The following SORBS2 variants were observed in gnomAD, a reference collection of about 807,000 sequenced individuals.
SORBS2 encodes sorbin and SH3 domain-containing protein 2.
A neutral mutation model predicts 97.7 loss-of-function variants in SORBS2; 46 were observed. That is an observed-to-expected ratio of 0.47 (90% CI 0.37 to 0.60). The LOEUF (loss-of-function observed/expected upper bound fraction) is 0.60, where lower values mean the gene tolerates loss of function less well. SORBS2 is among the 20% of genes least tolerant of loss of function. The pLI is 0.00. For synonymous variants in SORBS2, 476 were observed against 473.4 expected, an observed-to-expected ratio of 1.01 and a Z score of -0.07; for missense variants, 1,316 against 1,282.3, an observed-to-expected ratio of 1.03 and a Z score of -0.40.
intron 2 of SORBS2, among the ~76,000 whole-genome samples, chr4:185,704,570 C>T (rs1336240266): frequency 1.3e-5 from 2 of 152,112 alleles, no homozygotes; most frequent in East Asian, 1.9e-4. Context: ...CCACCCCCCT[C>T]GGCCTCCCAA....
At chr4:185,867,251 C>T (rs1456862417) in intron 1 of SORBS2, among the ~76,000 whole-genome samples, 1 of 152,158 alleles carries the variant, frequency 6.6e-6, no homozygotes, top group East Asian at 1.9e-4. Flanking sequence ...GCCTCGTGAT[C>T]CGCCCGCCTC....
At chr4:185,827,785 ATCG>A (rs1398642143) in intron 1 of SORBS2, among the ~76,000 whole-genome samples, 1 of 127,882 alleles carries the variant, frequency 7.8e-6, no homozygotes, top group Non-Finnish European at 1.7e-5. Context: ...CACCATCATC[ATCG>A]TCACCATCAT....
At chr4:185,827,333 T>C (rs200036126) in intron 1 of SORBS2, among the ~76,000 whole-genome samples, 95 of 486 alleles carry the variant, frequency 0.2, no homozygotes, top group African/African-American at 0.25. Context: ...ATCATCATCA[T>C]CATCATCATC....
intron 1 of SORBS2, among the ~76,000 whole-genome samples, chr4:185,828,740 C>G (rs1033880632): frequency 2.0e-5 from 3 of 152,114 alleles, no homozygotes; most frequent in Non-Finnish European, 2.9e-5. Context: ...ACATCAATTG[C>G]CCCTCTACTG....
chr4:185,953,625 G>A (rs1251660192), intron 1 of SORBS2, among the ~76,000 whole-genome samples: 1 of 152,242 alleles, frequency 6.6e-6, no homozygotes, highest in Non-Finnish European at 1.5e-5. Flanking sequence ...AGAGACTGGC[G>A]AGGGTGAGGA....
intron 1 of SORBS2, among the ~76,000 whole-genome samples, chr4:185,828,344 G>T (rs1414294241): frequency 6.6e-6 from 1 of 152,104 alleles, no homozygotes; most frequent in African/African-American, 2.4e-5. Flanking sequence ...ACCAGAGGAG[G>T]CCATTCTTGG....
At chr4:185,705,460 C>A (rs551004002) in intron 2 of SORBS2, among the ~76,000 whole-genome samples, 5 of 151,980 alleles carry the variant, frequency 3.3e-5, no homozygotes. Flanking sequence ...GCAGGAGAAT[C>A]GCTTGAACCG....
chr4:185,628,490 C>T (rs62334754), intron 5 of SORBS2, among the ~76,000 whole-genome samples: 41 of 152,106 alleles, frequency 2.7e-4, no homozygotes, highest in Middle Eastern at 6.8e-3. Flanking sequence ...TGATGGCTCA[C>T]GTCTGTAATC....
chr4:185,613,945 T>C (rs1477043215), intron 11 of SORBS2, among the ~76,000 whole-genome samples: 2 of 152,108 alleles, frequency 1.3e-5, no homozygotes, highest in African/African-American at 4.8e-5. Context: ...AGGACTGTGG[T>C]ATTGCTCTTC....
chr4:185,775,019 G>A (rs1033180350), intron 2 of SORBS2: 2 of 151,976 alleles, frequency 1.3e-5, no homozygotes, highest in Non-Finnish European at 2.9e-5. Context: ...GTGTACTGCA[G>A]GTCACTATTA....
Position 185,928,835 on chromosome 4 carries a change from C to T in SORBS2, c.-338+27361G>A, listed in dbSNP as rs573359840. Among the ~76,000 whole-genome samples the T allele has an allele frequency of 1.1e-4, 16 of 152,286 alleles. No homozygotes were observed. In the South Asian group the frequency reaches 1.7e-3, roughly 16 times the overall value. ...TGCTGGGATTCCAGGCGTGAGCCAC[C>T]GCGCCTGGCCAAGAAGGTTCTTCTT... On this transcript the variant is annotated intron_variant, in intron 1 of 20. Transcript: ENST00000284776.
chr4:185,610,185 T>C (rs1405638665), intron 12 of SORBS2, among the ~76,000 whole-genome samples: 1 of 152,208 alleles, frequency 6.6e-6, no homozygotes, highest in African/African-American at 2.4e-5. Context: ...ATTTGTTAGA[T>C]GTTTAATGAG....
At chr4:185,827,229 C>T (rs1585257932) in intron 1 of SORBS2, among the ~76,000 whole-genome samples, 1 of 142,206 alleles carries the variant, frequency 7.0e-6, no homozygotes, top group Non-Finnish European at 1.5e-5. Context: ...TCACCATCAT[C>T]ATCATCACCA....
intron 2 of SORBS2, among the ~76,000 whole-genome samples, chr4:185,752,375 G>C (rs568711099): frequency 3.3e-5 from 5 of 151,976 alleles, no homozygotes; most frequent in Non-Finnish European, 7.4e-5. Flanking sequence ...TCCCGGGTTC[G>C]CGCCATTCTC....
intron 1 of SORBS2, among the ~76,000 whole-genome samples, chr4:185,923,463 T>C (rs1334029266): frequency 8.9e-6 from 1 of 111,850 alleles, no homozygotes; most frequent in Non-Finnish European, 1.9e-5. Flanking sequence ...GCTAAGTTTC[T>C]TTTTTTTAAT....
At chr4:185,644,519 A>T (rs2097177538) in intron 4 of SORBS2, among the ~76,000 whole-genome samples, 2 of 152,236 alleles carry the variant, frequency 1.3e-5, no homozygotes, top group Admixed American at 6.5e-5. Context: ...GTGGCTGTAC[A>T]GCAGCGACCA....
At chr4:185,910,709 G>A (rs931175587) in intron 1 of SORBS2, among the ~76,000 whole-genome samples, 63 of 152,044 alleles carry the variant, frequency 4.1e-4, no homozygotes, top group African/African-American at 1.2e-3. Context: ...CTGAGTCGCC[G>A]AGATGGCAGG....
intron 2 of SORBS2, among the ~76,000 whole-genome samples, chr4:185,706,549 C>T (rs2098343829): frequency 6.6e-6 from 1 of 152,074 alleles, no homozygotes; most frequent in South Asian, 2.1e-4. Flanking sequence ...TTCCTTCTGT[C>T]ACTAAACATC....
intron 1 of SORBS2, among the ~76,000 whole-genome samples, chr4:185,898,345 G>C (rs1478494008): frequency 6.6e-6 from 1 of 152,188 alleles, no homozygotes; most frequent in Non-Finnish European, 1.5e-5. Flanking sequence ...AGGGAAACTA[G>C]AAAGAAAGTT....
Sources: gnomAD v4.1 joint callset for allele counts (sites outside exome capture counted in the v4.1 genomes callset) on GRCh38, gnomAD v4.1.1 for gene constraint, MANE v1.5 for transcripts, NCBI Gene and HGNC (gene_info 2026-07-23, HGNC 2026-07-21) for gene names.